Variants in MBNL2 observed in about 807,000 individuals in gnomAD.
The protein encoded by MBNL2 is muscleblind-like protein 2.
In MBNL2, 17 loss-of-function variants were observed where a neutral mutation model predicts 41.9. The observed-to-expected ratio is 0.41, with a 90% CI of 0.28 to 0.61. The LOEUF (loss-of-function observed/expected upper bound fraction) is 0.61. MBNL2 is among the 20% of genes least tolerant of loss of function. The probability of loss-of-function intolerance (pLI) is 0.35; values close to 1 mark genes in which losing one functional copy is unlikely to be tolerated. For missense variants in MBNL2, 336 were observed against 505.6 expected (o/e 0.66, Z 3.22); for synonymous variants, 195 against 182.9 (o/e 1.07, Z -0.53).
intron 1 of MBNL2, among the ~76,000 whole-genome samples, chr13:97,262,970 GGTAGA>G (rs1357968527): frequency 1.3e-5 from 2 of 151,662 alleles, no homozygotes; most frequent in African/African-American, 2.4e-5. Flanking sequence ...TTATTTTTTT[GGTAGA>G]GTAGTTTCAC....
chr13:97,228,929 C>T (rs1157136512), intron 1 of MBNL2, among the ~76,000 whole-genome samples: 1 of 151,354 alleles, frequency 6.6e-6, no homozygotes, highest in Non-Finnish European at 1.5e-5. Context: ...GTCTCATTGG[C>T]CACAAAAGTA....
chr13:97,285,066 C>G (rs2054159897), intron 2 of MBNL2, among the ~76,000 whole-genome samples: 1 of 152,106 alleles, frequency 6.6e-6, no homozygotes, highest in Admixed American at 6.5e-5. Flanking sequence ...ATATTCTATT[C>G]TTTCTAAAAA....
intron 2 of MBNL2, among the ~76,000 whole-genome samples, chr13:97,320,847 G>A (rs572262877): frequency 2.6e-4 from 39 of 152,076 alleles, no homozygotes; most frequent in Admixed American, 1.1e-3. Context: ...CCCGGGAGGC[G>A]GAGGTTGCAG....
intron 1 of MBNL2, among the ~76,000 whole-genome samples, chr13:97,232,694 A>G (rs901030700): frequency 1.3e-5 from 2 of 152,164 alleles, no homozygotes; most frequent in Admixed American, 6.5e-5. Flanking sequence ...AGTTAAATAG[A>G]CATAAGCAAT....
the MBNL2 span, among the ~76,000 whole-genome samples, chr13:97,188,493 T>C: frequency 6.6e-6 from 1 of 152,110 alleles, no homozygotes; most frequent in Non-Finnish European, 1.5e-5. Flanking sequence ...CACACACATA[T>C]TGAAATATGC....
intron 1 of MBNL2, among the ~76,000 whole-genome samples, chr13:97,246,275 TCACACACACACACACACACA>T (rs34830044): frequency 6.9e-6 from 1 of 145,794 alleles, no homozygotes; most frequent in African/African-American, 2.5e-5. Flanking sequence ...TACTGTTATT[TCACACACACACACACACACA>T]CACACACACA....
chr13:97,310,418 CT>C (rs564428431), intron 2 of MBNL2, among the ~76,000 whole-genome samples: 2,568 of 145,780 alleles, frequency 0.018, 68 homozygotes, highest in African/African-American at 0.059. Context: ...CCTCCTATTT[CT>C]TTTTTTTTTT....
chr13:97,196,984 C>T, the MBNL2 span, among the ~76,000 whole-genome samples: 1 of 152,118 alleles, frequency 6.6e-6, no homozygotes, highest in Non-Finnish European at 1.5e-5. Context: ...AATTACTTTG[C>T]CCCTAGAGCT....
chr13:97,167,327 C>T, the MBNL2 span, among the ~76,000 whole-genome samples: 19 of 151,168 alleles, frequency 1.3e-4, no homozygotes, highest in African/African-American at 4.6e-4. Context: ...AATTCATTTA[C>T]ATGCTCCACA....
intron 2 of MBNL2, among the ~76,000 whole-genome samples, chr13:97,294,712 G>A (rs983922366): frequency 1.6e-4 from 24 of 152,130 alleles, no homozygotes; most frequent in Admixed American, 1.6e-3. Context: ...CTCTGAAACA[G>A]TTATTACACT....
chr13:97,367,918 G>T (rs9300406), intron 8 of MBNL2, among the ~76,000 whole-genome samples: 20,186 of 152,128 alleles, frequency 0.13, 1,467 homozygotes, highest in East Asian at 0.19. Context: ...TGATGATGAT[G>T]ATTATTATTT....
rs554546365 is a variant in MBNL2 at position 97,366,169 on chromosome 13, T to C, written c.1048+998T>C. On this transcript the variant is annotated intron_variant, in intron 8 of 8. Transcript: ENST00000679496. The surrounding 1 kb of genome is among the most constrained non-coding windows in gnomAD (Gnocchi z 4.7). ...ATACACTGAATTGGGAATGGATCTA[T>C]TGTTAGAAATAAAATGTTTATAAAT... Among the ~76,000 whole-genome samples the C allele has an allele frequency of 6.6e-6, 1 of 152,360 alleles. No individual in the cohort carries two copies. Among genetic ancestry groups the C allele is most frequent in the Non-Finnish European group, 1.5e-5 (1 of 68,034 alleles).
At chr13:97,239,152 A>G (rs1476298152) in intron 1 of MBNL2, among the ~76,000 whole-genome samples, 2 of 152,258 alleles carry the variant, frequency 1.3e-5, no homozygotes, top group African/African-American at 4.8e-5. Context: ...CTAAAGTGCT[A>G]TACAAATATT....
At chr13:97,341,289 T>C (rs1159854162) in intron 3 of MBNL2, among the ~76,000 whole-genome samples, 3 of 152,238 alleles carry the variant, frequency 2.0e-5, no homozygotes, top group Non-Finnish European at 4.4e-5. Flanking sequence ...CCCAGGCATT[T>C]CTGACAGAGC....
intron 8 of MBNL2, among the ~76,000 whole-genome samples, chr13:97,377,321 A>G (rs1195552683): frequency 6.6e-6 from 1 of 152,222 alleles, no homozygotes; most frequent in Non-Finnish European, 1.5e-5. Context: ...TAGAGTGGTT[A>G]ACTGACCTTA....
intron 5 of MBNL2, among the ~76,000 whole-genome samples, chr13:97,353,834 T>C (rs1006114294): frequency 2.6e-5 from 4 of 152,132 alleles, no homozygotes; most frequent in Admixed American, 2.6e-4. Context: ...TGCCGTCAGC[T>C]AGATACGTTT....
At chr13:97,225,531 A>G (rs1431154066) in intron 1 of MBNL2, among the ~76,000 whole-genome samples, 1 of 152,098 alleles carries the variant, frequency 6.6e-6, no homozygotes, top group Non-Finnish European at 1.5e-5. Context: ...AGGTACAGCT[A>G]CATGTCAGAG....
At chr13:97,217,064 TAC>T (rs1421171920), upstream of MBNL2, among the ~76,000 whole-genome samples, 1 of 145,040 alleles carries the variant, frequency 6.9e-6, no homozygotes, top group East Asian at 1.9e-4. Flanking sequence ...TATACATATA[TAC>T]ACATATGTGT....
At chr13:97,162,882 G>T in the MBNL2 span, among the ~76,000 whole-genome samples, 3 of 152,226 alleles carry the variant, frequency 2.0e-5, no homozygotes, top group African/African-American at 7.2e-5. Context: ...GAGTGAGAGA[G>T]ATAGGAGAGT....
Sources: allele counts gnomAD v4.1 joint callset (sites outside exome capture counted in the v4.1 genomes callset), GRCh38; gene constraint gnomAD v4.1.1; non-coding constraint Gnocchi (gnomAD v3.1); transcripts MANE v1.5; gene names NCBI Gene and HGNC (gene_info 2026-07-23, HGNC 2026-07-21).